Variants in TMEM9B observed in about 807,000 individuals in gnomAD.
TMEM9B encodes the protein TMEM9 domain family member B.
Under a neutral mutation model 23.5 loss-of-function variants are expected in TMEM9B, and 8 were observed. The ratio of observed to expected loss-of-function variants is 0.34; its 90% CI spans 0.20 to 0.61. The LOEUF is 0.61. Ranked by LOEUF, TMEM9B falls within the 20% of genes least tolerant of loss-of-function variation. The probability of loss-of-function intolerance (pLI) is 0.78; values close to 1 mark genes in which losing one functional copy is unlikely to be tolerated. For missense variants in TMEM9B, 197 were observed against 252.3 expected (o/e 0.78, Z 1.49); for synonymous variants, 106 against 96.3 (o/e 1.10, Z -0.59).
chr11:8,952,218 G>A (rs966377991), intron 4 of TMEM9B, among the ~76,000 whole-genome samples: 1 of 150,142 alleles, frequency 6.7e-6, no homozygotes, highest in Non-Finnish European at 1.5e-5. Flanking sequence ...AGGAGACCAT[G>A]AAGCAATTTA....
intron 4 of TMEM9B, among the ~76,000 whole-genome samples, chr11:8,952,244 C>CATAT (rs1853891603): frequency 9.1e-6 from 1 of 110,064 alleles, no homozygotes; most frequent in Admixed American, 8.6e-5. Flanking sequence ...ATTATGCCAA[C>CATAT]TATATACACA....
At chr11:8,952,421 C>CA (rs911516778) in intron 4 of TMEM9B, among the ~76,000 whole-genome samples, 22 of 145,754 alleles carry the variant, frequency 1.5e-4, no homozygotes, top group Non-Finnish European at 2.9e-4. Flanking sequence ...TTTTTTTTTT[C>CA]TTTTTTTTTA....
chr11:8,956,946 C>G (rs1853985490), intron 2 of TMEM9B, among the ~76,000 whole-genome samples: 1 of 152,162 alleles, frequency 6.6e-6, no homozygotes, highest in Non-Finnish European at 1.5e-5. Context: ...TCTTGAATAC[C>G]TGGCCTCAAG....
In TMEM9B at chr11:8,948,186, TGC is replaced by T; in HGVS notation, c.*132_*133del. On this transcript the variant is annotated 3_prime_UTR_variant, in exon 5 of 5. Transcript: ENST00000534025. ...AAGAAAAAAAAATCAAGCAAGTTTT[TGC>T]TTCCAGTTTTGAATCTTCCAGCAAC... 1.7e-6 allele frequency: 2 copies of T among 1,159,472 alleles called. No homozygotes were observed. The highest frequency in any genetic ancestry group is 1.5e-5 in the African/African-American group (1 of 65,120). 71.8% of individuals were successfully genotyped at this position (1,159,472 alleles called of 1,614,324 possible).
At chr11:8,964,616 T>C, upstream of TMEM9B, 1 of 498,412 alleles carries the variant, frequency 2.0e-6, no homozygotes, top group Non-Finnish European at 3.2e-6. Flanking sequence ...CCAGTAGAGC[T>C]TTGCATCTCT....
At chr11:8,955,059 G>C (rs1171226758) in intron 3 of TMEM9B, among the ~76,000 whole-genome samples, 1 of 150,328 alleles carries the variant, frequency 6.7e-6, no homozygotes, top group African/African-American at 2.4e-5. Context: ...GCTGAGGCAG[G>C]AGAATCGCTT....
intron 4 of TMEM9B, among the ~76,000 whole-genome samples, chr11:8,951,070 C>T (rs1853866150): frequency 6.6e-6 from 1 of 152,194 alleles, no homozygotes; most frequent in Non-Finnish European, 1.5e-5. Flanking sequence ...AGTCAATACA[C>T]AAGCAGAATC....
intron 2 of TMEM9B, among the ~76,000 whole-genome samples, chr11:8,959,858 T>C (rs1854043407): frequency 6.6e-6 from 1 of 152,132 alleles, no homozygotes; most frequent in South Asian, 2.1e-4. Context: ...CATAAGTCAA[T>C]GAAGACTTAA....
chr11:8,953,825 G>A (rs1314597717), intron 3 of TMEM9B, among the ~76,000 whole-genome samples: 1 of 152,216 alleles, frequency 6.6e-6, no homozygotes, highest in African/African-American at 2.4e-5. Context: ...CTCATACGCT[G>A]TGGTGGGAAT....
chr11:8,954,677 A>G (rs904400629), intron 3 of TMEM9B, among the ~76,000 whole-genome samples: 2 of 152,244 alleles, frequency 1.3e-5, no homozygotes, highest in South Asian at 4.1e-4. Context: ...CATAAGTTGT[A>G]TATTTTTTAC....
At chr11:8,953,824 T>C (rs925075556) in intron 3 of TMEM9B, among the ~76,000 whole-genome samples, 1 of 152,210 alleles carries the variant, frequency 6.6e-6, no homozygotes, top group Non-Finnish European at 1.5e-5. Flanking sequence ...CCTCATACGC[T>C]GTGGTGGGAA....
intron 1 of TMEM9B, among the ~76,000 whole-genome samples, chr11:8,963,767 T>C (rs894171117): frequency 1.3e-5 from 2 of 151,956 alleles, no homozygotes; most frequent in African/African-American, 4.8e-5. Context: ...GAAGGCTCTG[T>C]CAGATGGGGG....
chr11:8,964,105 T>C, intron 1 of TMEM9B, 104 bp downstream of exon 1: 1 of 1,160,116 alleles, frequency 8.6e-7, no homozygotes, highest in Non-Finnish European at 1.2e-6. Flanking sequence ...GCCAGGCGTA[T>C]GGCTGTCAGG....
chr11:8,961,333 T>A (rs1854077146), intron 2 of TMEM9B, among the ~76,000 whole-genome samples: 2 of 152,266 alleles, frequency 1.3e-5, no homozygotes. Flanking sequence ...CTATTTTTCC[T>A]AAATTCCTAT....
At chr11:8,954,841 G>T (rs192102794) in intron 3 of TMEM9B, among the ~76,000 whole-genome samples, 1 of 152,150 alleles carries the variant, frequency 6.6e-6, no homozygotes, top group African/African-American at 2.4e-5. Flanking sequence ...GGGGGGAAAG[G>T]AATGGGAAGT....
intron 1 of TMEM9B, among the ~76,000 whole-genome samples, chr11:8,962,404 C>T (rs1470037734): frequency 6.6e-6 from 1 of 151,938 alleles, no homozygotes; most frequent in Non-Finnish European, 1.5e-5. Flanking sequence ...GAAATAATAC[C>T]TAATACATGA....
chr11:8,958,410 C>A (rs868023353), intron 2 of TMEM9B, among the ~76,000 whole-genome samples: 1 of 150,424 alleles, frequency 6.6e-6, no homozygotes, highest in African/African-American at 2.4e-5. Flanking sequence ...TGTAGTGAGC[C>A]GAGATCGCGC....
In TMEM9B at chr11:8,952,319, C is replaced by CGTGTGTGTGT. The variant is rs139281160; in HGVS notation, c.441+874_441+883dup. Among the ~76,000 whole-genome samples, 19 of 148,850 alleles carry CGTGTGTGTGT rather than the reference C, an allele frequency of 1.3e-4. No homozygotes were observed. The East Asian group carries it at 1.6e-3, about 13-fold the overall frequency. On this transcript the variant is annotated intron_variant, in intron 4 of 4. Coordinates refer to ENST00000534025, the MANE Select transcript of TMEM9B (RefSeq NM_020644.3). ...TATATAAACATATATAATGTACACACGTGTGTGTGTGTGTGTGTGAGAGAT... is the reference window on the plus strand; with the variant it reads ...TATATAAACATATATAATGTACACACGTGTGTGTGTGTGTGTGTGTGTGTGTGTGAGAGAT...
Sources: gnomAD v4.1 joint callset for allele counts (sites outside exome capture counted in the v4.1 genomes callset) on GRCh38, gnomAD v4.1.1 for gene constraint, MANE v1.5 for transcripts, NCBI Gene and HGNC (gene_info 2026-07-23, HGNC 2026-07-21) for gene names.